Variants in IL33 observed in about 807,000 individuals in gnomAD.
IL33 encodes interleukin 33.
A neutral mutation model predicts 27.3 loss-of-function variants in IL33; 37 were observed. That is an observed-to-expected ratio of 1.36 (90% CI 1.04 to 1.78). IL33 has a LOEUF of 1.78. IL33 is among the 40% of genes most tolerant of loss of function. IL33 has a pLI of 0.00. For synonymous variants in IL33, 132 were observed against 102.9 expected, an observed-to-expected ratio of 1.28 and a Z score of -1.71; for missense variants, 406 against 311.4, an observed-to-expected ratio of 1.30 and a Z score of -2.29.
intron 1 of IL33, among the ~76,000 whole-genome samples, chr9:6,227,370 C>T (rs370299923): frequency 6.6e-6 from 1 of 152,178 alleles, no homozygotes; most frequent in South Asian, 2.1e-4. Flanking sequence ...TTCATGCCCC[C>T]TCAATGTTGT....
At position 6,252,963 on chromosome 9, in the gene IL33, T is replaced by C; in HGVS notation, c.441T>C (p.Val147=). The change falls in exon 5 of 8, where the codon GTT becomes GTC. Residue 147 remains valine, a synonymous_variant. Coordinates refer to ENST00000682010, the MANE Select transcript of IL33 (RefSeq NM_033439.4). ...AGGATGAAAGTTATGAGATATATGT[T>C]GAAGACTTGAAAAAAGATGAAAAGA... ...ALEDESYEIY[V]EDLKKDEKKD... is the part of the protein sequence containing the mutation. 1 of 1,560,142 alleles carries C rather than the reference T, an allele frequency of 6.4e-7. No homozygotes were observed. The highest frequency in any genetic ancestry group is 8.7e-7 in the Non-Finnish European group (1 of 1,143,366).
chr9:6,223,021 C>T (rs201196169), intron 1 of IL33, among the ~76,000 whole-genome samples: 1 of 152,080 alleles, frequency 6.6e-6, no homozygotes, highest in Non-Finnish European at 1.5e-5. Flanking sequence ...ATTTATCATC[C>T]AGTTTAAAAA....
chr9:6,243,956 C>G (rs1402827220), intron 2 of IL33, among the ~76,000 whole-genome samples: 1 of 152,224 alleles, frequency 6.6e-6, no homozygotes, highest in East Asian at 1.9e-4. Flanking sequence ...ACCAGGAAAT[C>G]ACAGCAGAAC....
intron 1 of IL33, among the ~76,000 whole-genome samples, chr9:6,236,563 A>T (rs933537212): frequency 2.0e-5 from 3 of 152,144 alleles, no homozygotes; most frequent in African/African-American, 7.2e-5. Flanking sequence ...ACTAAGTGTA[A>T]CTCTTTGACA....
At chr9:6,215,496 T>C (rs899328268), upstream of IL33, among the ~76,000 whole-genome samples, 5 of 152,188 alleles carry the variant, frequency 3.3e-5, no homozygotes, top group South Asian at 2.1e-4. Context: ...CAAAAGTGAA[T>C]ATATAAATGG....
chr9:6,226,916 T>A (rs953185604), intron 1 of IL33, among the ~76,000 whole-genome samples: 4 of 152,248 alleles, frequency 2.6e-5, no homozygotes, highest in Non-Finnish European at 5.9e-5. Flanking sequence ...GTGGTTTGTG[T>A]AGCAGCTGAG....
At chr9:6,240,662 A>G (rs904741441) in intron 1 of IL33, among the ~76,000 whole-genome samples, 12 of 152,308 alleles carry the variant, frequency 7.9e-5, no homozygotes, top group Admixed American at 3.9e-4. Context: ...GTGAGTTAAT[A>G]AGTAGTGAGT....
rs764639996 is a variant in IL33, at chr9:6,256,194, T to A, written c.*26T>A. 1.3e-6 allele frequency: 2 copies of A among 1,541,048 alleles called. No individual in the cohort carries two copies. The highest frequency in any genetic ancestry group is 2.2e-5 in the South Asian group (2 of 89,140). On this transcript the variant is annotated 3_prime_UTR_variant, in exon 8 of 8. Transcript: ENST00000682010. ...TTGATGGAAACCTGTGAGTCTTGGG[T>A]TGAGTACCCAAATGCTACCACTGGA...
intron 4 of IL33, among the ~76,000 whole-genome samples, chr9:6,252,235 G>C (rs546638402): frequency 6.6e-6 from 1 of 152,034 alleles, no homozygotes; most frequent in African/African-American, 2.4e-5. Flanking sequence ...TACAAATTCA[G>C]TATGTAACAT....
Position 6,256,080 on chromosome 9 carries a change from TA to T in IL33, c.728del (p.Lys243ArgfsTer7). On this transcript the variant is annotated frameshift_variant, in exon 8 of 8. Coordinates refer to ENST00000682010, the MANE Select transcript of IL33 (RefSeq NM_033439.4). LOFTEE classifies it low-confidence loss of function (END_TRUNC). ...ACTGATCCTGGAGTGTTTATAGGTG[TA>T]AAGGATAATCATCTTGCTCTGATTA... ...CKTDPGVFIG[V>X]KDNHLALIKV... The T allele has an allele frequency of 6.2e-7, 1 of 1,613,130 alleles. No homozygotes were observed. The highest frequency in any genetic ancestry group is 8.5e-7 in the Non-Finnish European group (1 of 1,179,176).
chr9:6,236,391 T>A (rs1330892153), intron 1 of IL33, among the ~76,000 whole-genome samples: 5 of 152,234 alleles, frequency 3.3e-5, no homozygotes, highest in Non-Finnish European at 7.3e-5. Context: ...TAAGTGCACA[T>A]GTATCTTTTT....
At chr9:6,251,335 C>T (rs1816346105) in intron 4 of IL33, 70 bp downstream of exon 4, 2 of 1,589,504 alleles carry the variant, frequency 1.3e-6, no homozygotes, top group Non-Finnish European at 1.7e-6. Context: ...GAAAGTGCTA[C>T]TCCAGGTAGC....
At chr9:6,249,575 A>C (rs1816209591) in intron 2 of IL33, among the ~76,000 whole-genome samples, 1 of 152,190 alleles carries the variant, frequency 6.6e-6, no homozygotes, top group Non-Finnish European at 1.5e-5. Flanking sequence ...TGAATAATTA[A>C]CTTTTTTACT....
Position 6,252,866 on chromosome 9 carries a change from G to A in IL33, c.344G>A (p.Gly115Glu). Residue 115 changes from glycine to glutamate, a missense_variant and splice_region_variant, in exon 5 of 8, where the codon GGA becomes GAA. Coordinates refer to ENST00000682010, the MANE Select transcript of IL33 (RefSeq NM_033439.4). ...CAAATTTTTGAATTCTTAACAACAG[G>A]AATTTCACCTATTACAGAGTATCTT... ...TRALHDSSIT[G>E]ISPITEYLAS... 6.3e-7 allele frequency: 1 copy of A among 1,598,462 alleles called. No homozygotes were observed.
intron 4 of IL33, 126 bp downstream of exon 4, chr9:6,251,391 T>C: frequency 7.1e-7 from 1 of 1,406,044 alleles, no homozygotes; most frequent in South Asian, 1.3e-5. Flanking sequence ...CTTCTGCCCA[T>C]TTGCAGCTGA....
intron 7 of IL33, among the ~76,000 whole-genome samples, chr9:6,255,089 A>G (rs1191203104): frequency 6.6e-6 from 1 of 152,138 alleles, no homozygotes; most frequent in African/African-American, 2.4e-5. Context: ...ATAACCTAAC[A>G]TCTACATTCT....
In IL33 at chr9:6,252,714, AG is replaced by A. The variant is rs1816473950; in HGVS notation, c.344-151del. 2.1e-5 allele frequency: 17 copies of A among 820,984 alleles called. No individual in the cohort carries two copies. In the South Asian group the frequency reaches 2.8e-4, roughly 14 times the overall value. The allele number at this position is 820,984 out of a possible 1,614,324, so 50.9% of individuals were successfully genotyped here. ...TTCAAGGGTCACATCTCAGCCTTTT[AG>A]CTATGTAAAACTTGTATCAAAGGCT... On this transcript the variant is annotated intron_variant, in intron 4 of 7. Transcript: ENST00000682010.
chr9:6,249,860 T>A (rs1301734900), intron 2 of IL33, among the ~76,000 whole-genome samples: 1 of 152,208 alleles, frequency 6.6e-6, no homozygotes, highest in Non-Finnish European at 1.5e-5. Context: ...TAGCACAGCG[T>A]TTGGCCCACT....
intron 1 of IL33, among the ~76,000 whole-genome samples, chr9:6,224,238 A>C (rs1444879451): frequency 1.3e-5 from 2 of 152,220 alleles, no homozygotes; most frequent in African/African-American, 4.8e-5. Context: ...TGTAGTGGGA[A>C]TAGAACTTAG....
Sources: allele counts gnomAD v4.1 joint callset (sites outside exome capture counted in the v4.1 genomes callset), GRCh38; gene constraint gnomAD v4.1.1; transcripts MANE v1.5; gene names NCBI Gene and HGNC (gene_info 2026-07-23, HGNC 2026-07-21).